CYP7B1: variants seen among roughly 807,000 people sequenced by gnomAD.
CYP7B1 encodes cytochrome P450 family 7 subfamily B member 1, also known as cytochrome P450 7B1.
Under a neutral mutation model 42.7 loss-of-function variants are expected in CYP7B1, and 29 were observed. That is an observed-to-expected ratio of 0.68 (90% CI 0.51 to 0.93). CYP7B1 has a LOEUF of 0.93. CYP7B1 is among the 40% of genes least tolerant of loss of function. The probability of loss-of-function intolerance (pLI) is 0.00; values close to 1 mark genes in which losing one functional copy is unlikely to be tolerated. For synonymous variants in CYP7B1, 235 were observed against 218.2 expected (o/e 1.08, Z -0.68); for missense variants, 655 against 600.5 (o/e 1.09, Z -0.95).
chr8:64,774,988 T>A (rs1804300018), intron 1 of CYP7B1, among the ~76,000 whole-genome samples: 1 of 152,162 alleles, frequency 6.6e-6, no homozygotes, highest in Admixed American at 6.6e-5. Context: ...CAAGTATAAA[T>A]ATAGATGGTC....
Position 64,776,697 on chromosome 8 carries a change from G to A in CYP7B1, c.122+21769C>T, listed in dbSNP as rs112676873. Among the ~76,000 whole-genome samples, 17 of 152,210 alleles carry A rather than the reference G, an allele frequency of 1.1e-4. 2 individuals are homozygous for A. Among genetic ancestry groups the A allele is most frequent in the African/African-American group, 4.1e-4 (17 of 41,550 alleles). ...TTGAGAAAACAGCAGAAGCAGCAAAGTCACTCTCATCTTCCCCTCCTTTCT... is the reference window on the plus strand; with the variant it reads ...TTGAGAAAACAGCAGAAGCAGCAAAATCACTCTCATCTTCCCCTCCTTTCT... On this transcript the variant is annotated intron_variant, in intron 1 of 5. Transcript: ENST00000310193.
chr8:64,624,874 T>C lies in CYP7B1; in HGVS notation c.123-335A>G, dbSNP rs543366482. 3.2e-3 allele frequency among the ~76,000 whole-genome samples: 487 copies of C among 151,410 alleles called. 2 individuals carry two copies. Among genetic ancestry groups the C allele is most frequent in the Non-Finnish European group, 5.3e-3 (361 of 67,938 alleles). Reference sequence around the variant, plus strand: ...GAGCAATGTAACTGTACCCAATATGTAGTCTTTTATCCCTCATCCCATCCC... The same window carrying C: ...GAGCAATGTAACTGTACCCAATATGCAGTCTTTTATCCCTCATCCCATCCC... On this transcript the variant is annotated intron_variant, in intron 1 of 5. Coordinates refer to ENST00000310193, the MANE Select transcript of CYP7B1 (RefSeq NM_004820.5).
At chr8:64,650,073 GT>G (rs984392543) in intron 1 of CYP7B1, among the ~76,000 whole-genome samples, 2 of 151,952 alleles carry the variant, frequency 1.3e-5, no homozygotes, top group Admixed American at 6.6e-5. Context: ...ATAGTTGTCT[GT>G]TTTTTTATTT....
chr8:64,609,017 T>C (rs1165308396), intron 4 of CYP7B1, among the ~76,000 whole-genome samples: 1 of 152,180 alleles, frequency 6.6e-6, no homozygotes, highest in Admixed American at 6.5e-5. Context: ...CCACTGCTGC[T>C]GGTGTGAAAA....
chr8:64,630,884 G>C (rs1805685400), intron 1 of CYP7B1, among the ~76,000 whole-genome samples: 1 of 152,186 alleles, frequency 6.6e-6, no homozygotes, highest in Admixed American at 6.5e-5. Flanking sequence ...ACGTTAAAGA[G>C]AAAGAGAAAG....
intron 2 of CYP7B1, among the ~76,000 whole-genome samples, chr8:64,618,196 A>G (rs1462519249): frequency 6.6e-6 from 1 of 151,776 alleles, no homozygotes; most frequent in Non-Finnish European, 1.5e-5. Context: ...CAAATAATTG[A>G]AAAAAATCAA....
chr8:64,663,913 C>A (rs1806237806), intron 1 of CYP7B1, among the ~76,000 whole-genome samples: 1 of 152,116 alleles, frequency 6.6e-6, no homozygotes, highest in Admixed American at 6.5e-5. Flanking sequence ...AAGTTGTTAC[C>A]ACAATGCTAC....
At chr8:64,786,079 T>A (rs1804521897) in intron 1 of CYP7B1, among the ~76,000 whole-genome samples, 1 of 152,084 alleles carries the variant, frequency 6.6e-6, no homozygotes, top group Non-Finnish European at 1.5e-5. Flanking sequence ...ACCAGGTCCC[T>A]CCCACCACAT....
chr8:64,798,174 C>T (rs1424261396), intron 1 of CYP7B1, among the ~76,000 whole-genome samples: 1 of 152,240 alleles, frequency 6.6e-6, no homozygotes, highest in Non-Finnish European at 1.5e-5. Flanking sequence ...AGTGGCAAGG[C>T]ACACAATGTG....
intron 1 of CYP7B1, among the ~76,000 whole-genome samples, chr8:64,797,300 CCT>C (rs1219268708): frequency 6.6e-6 from 1 of 152,120 alleles, no homozygotes; most frequent in Non-Finnish European, 1.5e-5. Context: ...TCTTTTACCA[CCT>C]CTCTTTAAAG....
chr8:64,596,067 A>C lies in CYP7B1; in HGVS notation c.*575T>G, dbSNP rs758056542. On this transcript the variant is annotated 3_prime_UTR_variant, in exon 6 of 6. Coordinates refer to ENST00000310193, the MANE Select transcript of CYP7B1 (RefSeq NM_004820.5). Reference sequence around the variant, plus strand: ...TAATAAGGAACATTTATGCATGATTAAATATTGAAGTGAAGTTGAAGCATT... The same window carrying C: ...TAATAAGGAACATTTATGCATGATTCAATATTGAAGTGAAGTTGAAGCATT... 6.8e-5 allele frequency: 11 copies of C among 161,574 alleles called. No individual in the cohort carries two copies. Among genetic ancestry groups the C allele is most frequent in the Non-Finnish European group, 2.8e-5 (2 of 70,488 alleles). 10.0% of individuals were successfully genotyped at this position (161,574 alleles called of 1,614,324 possible).
intron 5 of CYP7B1, among the ~76,000 whole-genome samples, chr8:64,599,560 T>C (rs1211508608): frequency 6.6e-6 from 1 of 152,180 alleles, no homozygotes; most frequent in Non-Finnish European, 1.5e-5. Context: ...ATTAAATAGA[T>C]GAGAATAGAA....
At chr8:64,632,920 A>G (rs1354158617) in intron 1 of CYP7B1, among the ~76,000 whole-genome samples, 1 of 152,140 alleles carries the variant, frequency 6.6e-6, no homozygotes, top group African/African-American at 2.4e-5. Context: ...AAGAACTGCC[A>G]TCGACAGAAA....
chr8:64,747,453 C>A (rs1394924476), intron 1 of CYP7B1, among the ~76,000 whole-genome samples: 1 of 151,184 alleles, frequency 6.6e-6, no homozygotes, highest in African/African-American at 2.4e-5. Context: ...AAAAGCCTTA[C>A]CAATAACATA....
rs767826482 is a variant in CYP7B1 at position 64,615,127 on chromosome 8, C to A, written c.956G>T (p.Arg319Leu). Residue 319 changes from arginine to leucine, a missense_variant, in exon 4 of 6, where the codon CGT (arginine) becomes CTT (leucine). Coordinates refer to ENST00000310193, the MANE Select transcript of CYP7B1 (RefSeq NM_004820.5). ...CTGCAGCAAACGGTCAATTTCGTCA[C>A]GCACTGCTGCCATAGCTTCTGGGTG... Reference protein sequence around the residue: ...LRHPEAMAAVRDEIDRLLQST... With the variant: ...LRHPEAMAAVLDEIDRLLQST... 2.1e-5 allele frequency: 34 copies of A among 1,613,552 alleles called. No homozygotes were observed. The highest frequency in any genetic ancestry group is 2.9e-5 in the Non-Finnish European group (34 of 1,179,804).
chr8:64,661,195 A>T (rs1806194740), intron 1 of CYP7B1, among the ~76,000 whole-genome samples: 1 of 152,220 alleles, frequency 6.6e-6, no homozygotes, highest in African/African-American at 2.4e-5. Context: ...AGGTCACTGT[A>T]ATTTGCACAT....
chr8:64,738,163 A>G (rs1807517639), intron 1 of CYP7B1, among the ~76,000 whole-genome samples: 1 of 152,228 alleles, frequency 6.6e-6, no homozygotes, highest in Non-Finnish European at 1.5e-5. Flanking sequence ...TTTACTTCTC[A>G]TGTGTAATTG....
chr8:64,649,243 CT>C (rs1487490935), intron 1 of CYP7B1, among the ~76,000 whole-genome samples: 1 of 152,130 alleles, frequency 6.6e-6, no homozygotes, highest in Non-Finnish European at 1.5e-5. Flanking sequence ...TGGCAACTAC[CT>C]TTTTACCTTC....
intron 1 of CYP7B1, among the ~76,000 whole-genome samples, chr8:64,736,007 T>C (rs937618262): frequency 1.3e-5 from 2 of 152,230 alleles, no homozygotes; most frequent in Admixed American, 1.3e-4. Context: ...CTAAGTATTA[T>C]ATACTTCCTG....
Sources: allele counts gnomAD v4.1 joint callset (sites outside exome capture counted in the v4.1 genomes callset), GRCh38; gene constraint gnomAD v4.1.1; transcripts MANE v1.5; gene names NCBI Gene and HGNC (gene_info 2026-07-23, HGNC 2026-07-21).